MSRA: variants seen among roughly 807,000 people sequenced by gnomAD.
MSRA encodes the protein methionine sulfoxide reductase A.
In MSRA, 54 loss-of-function variants were observed where a neutral mutation model predicts 31.3. The observed-to-expected ratio is 1.73, with a 90% CI of 1.39 to 2.17. The LOEUF is 2.17. Among genes scored for constraint, MSRA ranks in the 30% most tolerant of loss-of-function variants. MSRA has a pLI of 0.00. For synonymous variants in MSRA, 169 were observed against 116.5 expected (o/e 1.45, Z -2.90); for missense variants, 507 against 300.9 (o/e 1.69, Z -5.07).
chr8:10,381,123 G>T (rs952274798), intron 5 of MSRA, among the ~76,000 whole-genome samples: 3 of 152,136 alleles, frequency 2.0e-5, no homozygotes, highest in Non-Finnish European at 2.9e-5. Flanking sequence ...CTGAAGAGGT[G>T]CCTGGGCAGT....
At position 10,157,595 on chromosome 8, in the gene MSRA, G is replaced by A. The variant is rs544433823; in HGVS notation, c.143-50238G>A. Among the ~76,000 whole-genome samples the A allele has an allele frequency of 4.6e-5, 7 of 151,584 alleles. No individual in the cohort carries two copies. The East Asian group carries it at 1.4e-3, about 29-fold the overall frequency. On this transcript the variant is annotated intron_variant, in intron 1 of 5. Transcript: ENST00000317173. ...TGTTAGGGCTTCCAACTTTGTAAGG[G>A]GCAATGAAAGTTCTCATAGGTTTTT...
intron 1 of MSRA, among the ~76,000 whole-genome samples, chr8:10,141,464 G>C (rs1802699861): frequency 6.6e-6 from 1 of 152,204 alleles, no homozygotes; most frequent in Non-Finnish European, 1.5e-5. Flanking sequence ...CACAGGCCCA[G>C]CCATCTCCCC....
chr8:10,272,378 A>G (rs1017675757), intron 3 of MSRA, among the ~76,000 whole-genome samples: 1 of 152,212 alleles, frequency 6.6e-6, no homozygotes, highest in African/African-American at 2.4e-5. Flanking sequence ...CTTTAGATCC[A>G]GGAAGAGCTG....
chr8:10,352,303 T>G (rs966399573), intron 5 of MSRA, among the ~76,000 whole-genome samples: 16 of 152,314 alleles, frequency 1.1e-4, no homozygotes, highest in Non-Finnish European at 1.9e-4. Context: ...TAGAAAAGAC[T>G]GTGTATGTAT....
chr8:10,200,358 A>G (rs1808388639), intron 1 of MSRA, among the ~76,000 whole-genome samples: 1 of 152,220 alleles, frequency 6.6e-6, no homozygotes. Context: ...CCCCACTTGC[A>G]TATGGTCCCT....
intron 5 of MSRA, among the ~76,000 whole-genome samples, chr8:10,335,250 GTTT>G (rs1170264568): frequency 1.9e-4 from 15 of 79,880 alleles, no homozygotes; most frequent in Admixed American, 4.8e-4. Context: ...TCCCAGCTCT[GTTT>G]TTTTTTTTTT....
intron 5 of MSRA, among the ~76,000 whole-genome samples, chr8:10,400,388 G>GTGTAGCA (rs1554551519): frequency 1.0e-4 from 13 of 128,982 alleles, no homozygotes; most frequent in Admixed American, 9.0e-4. Flanking sequence ...TGTGTGTAGT[G>GTGTAGCA]TGTAGTGTGT....
At chr8:10,132,215 A>T (rs967521761) in intron 1 of MSRA, among the ~76,000 whole-genome samples, 3 of 152,192 alleles carry the variant, frequency 2.0e-5, no homozygotes, top group Non-Finnish European at 4.4e-5. Flanking sequence ...GAGGAAGTTA[A>T]TTCTCCCCTT....
intron 3 of MSRA, among the ~76,000 whole-genome samples, chr8:10,260,245 C>A (rs1019482921): frequency 2.0e-5 from 3 of 152,210 alleles, no homozygotes; most frequent in African/African-American, 7.2e-5. Flanking sequence ...AGCTCCACTT[C>A]TGGTTGAGGG....
intron 3 of MSRA, among the ~76,000 whole-genome samples, chr8:10,259,863 G>T (rs1316818685): frequency 6.6e-6 from 1 of 152,196 alleles, no homozygotes; most frequent in Non-Finnish European, 1.5e-5. Context: ...CACCCAGCTC[G>T]CTGGTGTTCC....
rs1371754501 is a variant in MSRA, at chr8:10,428,571, G to C, written c.*259G>C. 3 of 431,946 alleles carry C rather than the reference G, an allele frequency of 6.9e-6. No individual in the cohort carries two copies. The highest frequency in any genetic ancestry group is 5.3e-5 in the East Asian group (1 of 18,802). 26.8% of individuals were successfully genotyped at this position (431,946 alleles called of 1,614,324 possible). On this transcript the variant is annotated 3_prime_UTR_variant, in exon 6 of 6. Transcript: ENST00000317173. ...TCTGGGGTCTGAGTGAAGATAGCAG[G>C]GATGCTGTGTTCACCCTTCTTGGTA... is the stretch of plus-strand genomic sequence containing the variant.
intron 5 of MSRA, among the ~76,000 whole-genome samples, chr8:10,351,735 A>T (rs1388932295): frequency 6.6e-6 from 1 of 152,238 alleles, no homozygotes; most frequent in African/African-American, 2.4e-5. Context: ...CCACAGTGAG[A>T]TGAATAGAAG....
chr8:10,069,062 A>G (rs1797603710), intron 1 of MSRA, among the ~76,000 whole-genome samples: 1 of 152,204 alleles, frequency 6.6e-6, no homozygotes, highest in Non-Finnish European at 1.5e-5. Flanking sequence ...TTGTGATTTC[A>G]AATTCCAGTT....
intron 1 of MSRA, among the ~76,000 whole-genome samples, chr8:10,200,169 G>A (rs1162162129): frequency 6.6e-6 from 1 of 152,212 alleles, no homozygotes; most frequent in African/African-American, 2.4e-5. Context: ...TGCTGCGTCT[G>A]GAGCAAAGGG....
chr8:10,232,044 A>G (rs1811528387), intron 2 of MSRA, among the ~76,000 whole-genome samples: 1 of 152,224 alleles, frequency 6.6e-6, no homozygotes, highest in African/African-American at 2.4e-5. Context: ...GAAAGTGTAC[A>G]GTCTCAGGGT....
intron 1 of MSRA, among the ~76,000 whole-genome samples, chr8:10,110,663 A>G (rs1220931761): frequency 1.3e-5 from 2 of 152,110 alleles, no homozygotes; most frequent in African/African-American, 4.8e-5. Context: ...ATCTGTGTCA[A>G]ATGTCTTGAT....
intron 1 of MSRA, among the ~76,000 whole-genome samples, chr8:10,202,497 A>G (rs1808585325): frequency 6.6e-6 from 1 of 152,212 alleles, no homozygotes; most frequent in African/African-American, 2.4e-5. Flanking sequence ...TTATCCATTT[A>G]AACCAGCAAT....
chr8:10,330,975 C>A (rs1802661015), intron 5 of MSRA, among the ~76,000 whole-genome samples: 1 of 152,140 alleles, frequency 6.6e-6, no homozygotes, highest in Non-Finnish European at 1.5e-5. Flanking sequence ...GCTGGAGCTC[C>A]CGTGATGGGA....
intron 3 of MSRA, among the ~76,000 whole-genome samples, chr8:10,286,766 G>T (rs1446011563): frequency 6.6e-6 from 1 of 152,252 alleles, no homozygotes; most frequent in South Asian, 2.1e-4. Flanking sequence ...AGCCAAGATT[G>T]AAGGCTCACA....
Sources: gnomAD v4.1 joint callset for allele counts (sites outside exome capture counted in the v4.1 genomes callset) on GRCh38, gnomAD v4.1.1 for gene constraint, MANE v1.5 for transcripts, NCBI Gene and HGNC (gene_info 2026-07-23, HGNC 2026-07-21) for gene names.